SPATA1: variants seen among roughly 807,000 people sequenced by gnomAD.
The protein encoded by SPATA1 is spermatogenesis associated 1.
A neutral mutation model predicts 59.6 loss-of-function variants in SPATA1; 57 were observed. That is an observed-to-expected ratio of 0.96 (90% CI 0.77 to 1.19). The LOEUF (loss-of-function observed/expected upper bound fraction) is 1.19. SPATA1 is among the 50% of genes most tolerant of loss of function. SPATA1 has a pLI of 0.00. For missense variants in SPATA1, 448 were observed against 480.7 expected (o/e 0.93, Z 0.64); for synonymous variants, 147 against 163.9 (o/e 0.90, Z 0.79).
At chr1:84,525,387 C>T (rs913787565) in intron 4 of SPATA1, among the ~76,000 whole-genome samples, 13 of 152,118 alleles carry the variant, frequency 8.5e-5, no homozygotes, top group Non-Finnish European at 1.9e-4. Flanking sequence ...TTTTGAATCC[C>T]AACTTGGAAA....
At chr1:84,562,405 G>T (rs1490474853) in intron 4 of SPATA1, among the ~76,000 whole-genome samples, 1 of 152,098 alleles carries the variant, frequency 6.6e-6, no homozygotes, top group African/African-American at 2.4e-5. Context: ...CTCTGTGGAG[G>T]CATACACATG....
chr1:84,533,672 T>A, intron 7 of SPATA1, 37 bp from the exon 8 acceptor site: 6 of 1,432,358 alleles, frequency 4.2e-6, no homozygotes, highest in Non-Finnish European at 5.8e-6. Flanking sequence ...CATGGGATCA[T>A]GTTTTAATGA....
downstream of SPATA1, chr1:84,554,892 T>C (rs990096420): frequency 2.2e-5 from 18 of 802,022 alleles, no homozygotes; most frequent in African/African-American, 2.8e-4. Context: ...TTCTTTTTTT[T>C]TAGTATACGG....
In SPATA1 at chr1:84,546,229, G is replaced by A. The variant is rs571787467; in HGVS notation, c.946+470G>A. ...AGAACTTTGGGAGGCCGAGGCAGGC[G>A]GATCATTTGAGGTCAGGAGTTCGAG... On this transcript the variant is annotated intron_variant, in intron 10 of 12. Coordinates refer to ENST00000490879, the Ensembl canonical transcript of SPATA1. 2.2e-4 allele frequency among the ~76,000 whole-genome samples: 34 copies of A among 152,226 alleles called. No homozygotes were observed. The East Asian group carries it at 5.2e-3, about 23-fold the overall frequency.
At chr1:84,549,166 T>C (rs12402457) in intron 11 of SPATA1, among the ~76,000 whole-genome samples, 1 of 151,960 alleles carries the variant, frequency 6.6e-6, no homozygotes, top group Non-Finnish European at 1.5e-5. Flanking sequence ...CTTTAAGGGG[T>C]CTGATATTTT....
At chr1:84,551,362 T>TA in intron 12 of SPATA1, 2 of 769,198 alleles carry the variant, frequency 2.6e-6, no homozygotes, top group Non-Finnish European at 3.2e-6. Flanking sequence ...CGGTTTCAGA[T>TA]AAAAATAAAA....
At chr1:84,533,815 A>G (rs1651585648) in intron 8 of SPATA1, 49 bp downstream of exon 8, 4 of 1,117,542 alleles carry the variant, frequency 3.6e-6, no homozygotes, top group Middle Eastern at 3.9e-4. Flanking sequence ...ACATCATAAT[A>G]TTTTTACTAA....
chr1:84,536,141 T>TA (rs754144810), intron 8 of SPATA1, among the ~76,000 whole-genome samples: 46 of 152,390 alleles, frequency 3.0e-4, no homozygotes, highest in Non-Finnish European at 5.4e-4. Flanking sequence ...TAATTCATGC[T>TA]AGTAGAAACT....
At chr1:84,556,434 C>G (rs934465575), downstream of SPATA1, among the ~76,000 whole-genome samples, 4 of 151,988 alleles carry the variant, frequency 2.6e-5, no homozygotes, top group African/African-American at 7.3e-5. Flanking sequence ...ACTTTGGGGC[C>G]GGGCACGGTG....
At chr1:84,537,544 G>C (rs975702432) in intron 8 of SPATA1, among the ~76,000 whole-genome samples, 1 of 152,100 alleles carries the variant, frequency 6.6e-6, no homozygotes, top group Non-Finnish European at 1.5e-5. Context: ...TGAGTGAAGG[G>C]GAGGCCAGGT....
chr1:84,526,466 C>A (rs1250997446), intron 6 of SPATA1, among the ~76,000 whole-genome samples: 2 of 151,992 alleles, frequency 1.3e-5, no homozygotes, highest in Non-Finnish European at 2.9e-5. Context: ...CAGACAACAA[C>A]AACAAAAAAA....
chr1:84,539,512 G>A (rs949416447), intron 8 of SPATA1, among the ~76,000 whole-genome samples: 3 of 152,126 alleles, frequency 2.0e-5, no homozygotes, highest in Non-Finnish European at 4.4e-5. Flanking sequence ...TTTCCACTCT[G>A]GTGGATGCTC....
intron 3 of SPATA1, among the ~76,000 whole-genome samples, chr1:84,521,460 G>A (rs891242237): frequency 6.6e-6 from 1 of 151,996 alleles, no homozygotes. Flanking sequence ...GGAACACATA[G>A]CCCTACCTCA....
At chr1:84,539,040 A>G (rs751047086) in intron 8 of SPATA1, among the ~76,000 whole-genome samples, 26 of 152,116 alleles carry the variant, frequency 1.7e-4, no homozygotes, top group African/African-American at 1.7e-4. Flanking sequence ...GACTCAAGCA[A>G]TCGGCCCTCC....
In SPATA1 at chr1:84,550,697, A is replaced by T. The variant is rs1052867663; in HGVS notation, c.1224+167A>T. ...TAGGTGAAAAAAAAAATGCAGGAAG[A>T]AAAACTAAACCTGTGAAAAGATACA... On this transcript the variant is annotated intron_variant, in intron 12 of 12. Transcript: ENST00000490879. 2.8e-5 allele frequency: 33 copies of T among 1,196,118 alleles called. No homozygotes were observed. The Admixed American group carries it at 6.6e-4, about 24-fold the overall frequency. The allele number at this position is 1,196,118 out of a possible 1,614,324, so 74.1% of individuals were successfully genotyped here.
exon 8 of SPATA1, chr1:84,533,710 C>A (rs868530447): frequency 1.3e-6 from 2 of 1,560,520 alleles, no homozygotes; most frequent in South Asian, 2.4e-5. Context: ...TCCTTTAAGT[C>A]AGTGTCTTTG....
chr1:84,566,057 GC>G, exon 5 of SPATA1: 1 of 1,214,620 alleles, frequency 8.2e-7, no homozygotes, highest in Non-Finnish European at 1.1e-6. Context: ...GATCACGTGT[GC>G]ATATTACGTC....
rs1400123583 is a variant in SPATA1 at position 84,546,459 on chromosome 1, A to C, written c.946+700A>C. 6.2e-5 allele frequency among the ~76,000 whole-genome samples: 3 copies of C among 48,122 alleles called. No individual in the cohort carries two copies. In the African/African-American group the frequency reaches 7.4e-4, roughly 12 times the overall value. 31.6% of individuals were successfully genotyped at this position (48,122 alleles called of 152,430 possible). Reference sequence around the variant, plus strand: ...GGTGACAAAGCAAGACTCTGCCTCAAAAAAAAAAAAAAAAAAAAAAACTTG... The same window carrying C: ...GGTGACAAAGCAAGACTCTGCCTCACAAAAAAAAAAAAAAAAAAAAACTTG... On this transcript the variant is annotated intron_variant, in intron 10 of 12. Transcript: ENST00000490879.
chr1:84,508,053 G>A (rs1248110596), intron 1 of SPATA1, among the ~76,000 whole-genome samples: 1 of 152,090 alleles, frequency 6.6e-6, no homozygotes, highest in East Asian at 1.9e-4. Context: ...AGGCTGAGGC[G>A]AGCAGATCAC....
Sources: gnomAD v4.1 joint callset for allele counts (sites outside exome capture counted in the v4.1 genomes callset) on GRCh38, gnomAD v4.1.1 for gene constraint, MANE v1.5 for transcripts, NCBI Gene and HGNC (gene_info 2026-07-23, HGNC 2026-07-21) for gene names.